Variants in ALG9 observed in about 807,000 individuals in gnomAD.
ALG9 encodes alpha-1,2-mannosyltransferase ALG9.
A neutral mutation model predicts 81.8 loss-of-function variants in ALG9; 55 were observed. The ratio of observed to expected loss-of-function variants is 0.67; its 90% CI spans 0.54 to 0.84. The LOEUF (loss-of-function observed/expected upper bound fraction) is 0.84, where lower values mean the gene tolerates loss of function less well. Among genes scored for constraint, ALG9 ranks in the 40% least tolerant of loss-of-function variants. ALG9 has a pLI of 0.00. For synonymous variants in ALG9, 278 were observed against 274.3 expected, an observed-to-expected ratio of 1.01 and a Z score of -0.13; for missense variants, 629 against 745.0, an observed-to-expected ratio of 0.84 and a Z score of 1.81.
At chr11:111,803,083 T>A (rs183885907) in intron 14 of ALG9, among the ~76,000 whole-genome samples, 96 of 152,336 alleles carry the variant, frequency 6.3e-4, no homozygotes, top group African/African-American at 2.2e-3. Context: ...CCTCCCAATT[T>A]GATCTATAGA....
At chr11:111,871,033 G>T in intron 1 of ALG9, 2 of 1,083,520 alleles carry the variant, frequency 1.8e-6, no homozygotes, top group Non-Finnish European at 2.2e-6. Context: ...GAGCTGTGAG[G>T]AACAGCCGTA....
intron 4 of ALG9, among the ~76,000 whole-genome samples, chr11:111,863,441 T>C (rs555479063): frequency 6.6e-6 from 1 of 152,310 alleles, no homozygotes; most frequent in East Asian, 1.9e-4. Flanking sequence ...CCCAAACCCA[T>C]ATAAAGACCA....
At chr11:111,780,620 CT>C (rs1945880981), downstream of ALG9, among the ~76,000 whole-genome samples, 1 of 152,062 alleles carries the variant, frequency 6.6e-6, no homozygotes, top group Admixed American at 6.6e-5. Context: ...TGGTCTCGAA[CT>C]CTTGACCTCA....
At chr11:111,840,907 C>G (rs1956115909) in intron 9 of ALG9, 98 bp from the exon 10 acceptor site, 1 of 1,364,300 alleles carries the variant, frequency 7.3e-7, no homozygotes, top group African/African-American at 1.4e-5. Context: ...GGAGTATGCC[C>G]TAGGACACTC....
chr11:111,853,536 A>G (rs1351030970), intron 7 of ALG9, 51 bp from the exon 8 acceptor site: 20 of 1,574,248 alleles, frequency 1.3e-5, no homozygotes, highest in Admixed American at 3.3e-5. Context: ...TCAAAATGCT[A>G]ATAGGATAAA....
intron 13 of ALG9, among the ~76,000 whole-genome samples, chr11:111,834,470 T>C (rs782042024): frequency 1.3e-5 from 2 of 152,214 alleles, no homozygotes; most frequent in Non-Finnish European, 2.9e-5. Flanking sequence ...CATAAGAACA[T>C]TGCATTTTTG....
intron 1 of ALG9, chr11:111,870,889 C>T (rs1964105217): frequency 4.0e-6 from 4 of 1,000,742 alleles, no homozygotes; most frequent in Non-Finnish European, 4.8e-6. Flanking sequence ...GTGCAAGGTA[C>T]ATAGCCTACT....
downstream of ALG9, among the ~76,000 whole-genome samples, chr11:111,780,493 T>C (rs1235534983): frequency 6.6e-6 from 1 of 151,462 alleles, no homozygotes; most frequent in African/African-American, 2.4e-5. Flanking sequence ...ACCTCCTGGG[T>C]TCAAGCGATT....
At chr11:111,824,214 T>C (rs966836355) in intron 13 of ALG9, among the ~76,000 whole-genome samples, 1 of 152,224 alleles carries the variant, frequency 6.6e-6, no homozygotes, top group Non-Finnish European at 1.5e-5. Context: ...GCATCTATGA[T>C]ACAGAATGAA....
At chr11:111,769,963 G>C in the ALG9 span, among the ~76,000 whole-genome samples, 1 of 152,048 alleles carries the variant, frequency 6.6e-6, no homozygotes, top group African/African-American at 2.4e-5. Flanking sequence ...ACCTCTCCCA[G>C]TGCCTCAATC....
chr11:111,812,928 A>G (rs1376803627), intron 13 of ALG9, among the ~76,000 whole-genome samples: 1 of 130,040 alleles, frequency 7.7e-6, no homozygotes, highest in African/African-American at 2.6e-5. Flanking sequence ...AAAAAAAAAA[A>G]AAAAAGAAAT....
At chr11:111,828,420 C>G (rs1953751967) in intron 13 of ALG9, among the ~76,000 whole-genome samples, 1 of 152,190 alleles carries the variant, frequency 6.6e-6, no homozygotes, top group Non-Finnish European at 1.5e-5. Flanking sequence ...TAATAACGTA[C>G]TTGCCTTGTG....
chr11:111,856,697 C>T (rs1195758555), intron 6 of ALG9, among the ~76,000 whole-genome samples: 2 of 150,272 alleles, frequency 1.3e-5, no homozygotes, highest in African/African-American at 4.9e-5. Context: ...AAAATATTTT[C>T]CTAAATTACC....
At chr11:111,856,498 T>C (rs999390328) in intron 6 of ALG9, among the ~76,000 whole-genome samples, 1 of 151,870 alleles carries the variant, frequency 6.6e-6, no homozygotes, top group Admixed American at 6.6e-5. Context: ...TATACAAATA[T>C]TTATACACAC....
chr11:111,870,309 G>A lies in ALG9; in HGVS notation c.193C>T (p.Leu65=). 5 of 1,587,402 alleles carry A rather than the reference G, an allele frequency of 3.1e-6. No homozygotes were observed. The highest frequency in any genetic ancestry group is 4.3e-6 in the Non-Finnish European group (5 of 1,168,518). ...GCAGCACATAACCTTGCTGAAAGCA[G>A]ACACTTGAAAGCAGTAGATCCTTCA... ...APEGSTAFKC[L]LSARLCAALL... The change falls in exon 2 of 15, where the codon CTG becomes TTG. Residue 65 remains leucine (L), a synonymous_variant. Transcript: ENST00000616540.
chr11:111,855,123 G>A (rs954309830), intron 6 of ALG9, among the ~76,000 whole-genome samples: 5 of 152,176 alleles, frequency 3.3e-5, no homozygotes, highest in African/African-American at 4.8e-5. Flanking sequence ...CACAGGGCAG[G>A]GGTTGGCAAA....
At chr11:111,865,991 C>T (rs1421576427) in intron 3 of ALG9, among the ~76,000 whole-genome samples, 1 of 152,034 alleles carries the variant, frequency 6.6e-6, no homozygotes, top group East Asian at 1.9e-4. Flanking sequence ...AACTTAAACA[C>T]TACTTAATAT....
At chr11:111,807,808 T>G (rs1555086804) in intron 14 of ALG9, among the ~76,000 whole-genome samples, 1 of 152,166 alleles carries the variant, frequency 6.6e-6, no homozygotes, top group African/African-American at 2.4e-5. Context: ...AAATTTTTTG[T>G]TAAGGCTGGG....
intron 13 of ALG9, among the ~76,000 whole-genome samples, chr11:111,835,897 T>A (rs1555116991): frequency 6.6e-6 from 1 of 152,194 alleles, no homozygotes; most frequent in Admixed American, 6.5e-5. Context: ...ATTACAGGCA[T>A]AAGCCACCAC....
Sources: allele counts gnomAD v4.1 joint callset (sites outside exome capture counted in the v4.1 genomes callset), GRCh38; gene constraint gnomAD v4.1.1; transcripts MANE v1.5; gene names NCBI Gene and HGNC (gene_info 2026-07-23, HGNC 2026-07-21).